Variants in EPHB2 observed in about 807,000 individuals in gnomAD.
EPHB2 encodes the protein ephrin type-B receptor 2.
Under a neutral mutation model 96.4 loss-of-function variants are expected in EPHB2, and 18 were observed. The observed-to-expected ratio is 0.19, with a 90% CI of 0.13 to 0.28. The LOEUF (loss-of-function observed/expected upper bound fraction) is 0.28, where lower values mean the gene tolerates loss of function less well. EPHB2 is among the 10% of genes least tolerant of loss of function. The pLI, the probability that EPHB2 is intolerant of heterozygous loss-of-function variation, is 1.00. For synonymous variants in EPHB2, 506 were observed against 534.1 expected, an observed-to-expected ratio of 0.95 and a Z score of 0.72; for missense variants, 989 against 1,355.4, an observed-to-expected ratio of 0.73 and a Z score of 4.25.
chr1:22,841,018 C>T (rs1310587213), intron 3 of EPHB2, among the ~76,000 whole-genome samples: 1 of 152,160 alleles, frequency 6.6e-6, no homozygotes, highest in Non-Finnish European at 1.5e-5. Flanking sequence ...ACAGAGGAGA[C>T]TAAGTAGCAA....
At chr1:22,776,210 C>G (rs1020639223) in intron 1 of EPHB2, among the ~76,000 whole-genome samples, 1 of 152,222 alleles carries the variant, frequency 6.6e-6, no homozygotes, top group African/African-American at 2.4e-5. Context: ...CTCAGCTCAC[C>G]TCCTGGCCTT....
intron 3 of EPHB2, among the ~76,000 whole-genome samples, chr1:22,803,204 G>T (rs1644870290): frequency 6.6e-6 from 1 of 152,158 alleles, no homozygotes; most frequent in African/African-American, 2.4e-5. Context: ...TTCCATAGCT[G>T]CCTGGGCCGG....
chr1:22,872,705 C>T (rs982972890), intron 5 of EPHB2, among the ~76,000 whole-genome samples: 8 of 152,204 alleles, frequency 5.3e-5, no homozygotes, highest in Admixed American at 4.6e-4. Context: ...ATGGCTTTCT[C>T]GTGGAAAGAC....
chr1:22,830,878 C>T (rs767737437), intron 3 of EPHB2, among the ~76,000 whole-genome samples: 3 of 152,158 alleles, frequency 2.0e-5, no homozygotes, highest in South Asian at 2.1e-4. Context: ...TTTATGCCAA[C>T]GGTCTTAGAT....
chr1:22,712,876 CT>C (rs979478425), intron 1 of EPHB2, among the ~76,000 whole-genome samples: 3 of 152,174 alleles, frequency 2.0e-5, no homozygotes, highest in African/African-American at 4.8e-5. Flanking sequence ...ATAAATATTG[CT>C]ATTTAGGTTG....
chr1:22,880,860 G>C (rs1271193907), intron 5 of EPHB2, among the ~76,000 whole-genome samples: 1 of 152,222 alleles, frequency 6.6e-6, no homozygotes, highest in Non-Finnish European at 1.5e-5. Flanking sequence ...CAGCAGGCCG[G>C]ATGCATTATG....
rs1340359234 is a variant in EPHB2 at position 22,915,825 on chromosome 1, G to A, written c.*2255G>A. 6.6e-6 allele frequency: 1 copy of A among 152,356 alleles called. No individual in the cohort carries two copies. Among genetic ancestry groups the A allele is most frequent in the Non-Finnish European group, 1.5e-5 (1 of 68,122 alleles). 9.4% of individuals were successfully genotyped at this position (152,356 alleles called of 1,614,324 possible). ...GCCATGGATATCGGGTCTGGCTGAG[G>A]AAGGGGAGCCAAGGAGACTACCTCT... On this transcript the variant is annotated 3_prime_UTR_variant, in exon 16 of 16. Transcript: ENST00000374630.
At position 22,785,088 on chromosome 1, in the gene EPHB2, GGTGGGGCAC is replaced by G; in HGVS notation, c.811+16_811+24del. On this transcript the variant is annotated intron_variant, in intron 3 of 15. Coordinates refer to ENST00000374630, the MANE Select transcript of EPHB2 (RefSeq NM_017449.5). ...CACCGTCTGCCGAGGTAAGGGCCAG[GGTGGGGCAC>G]GTGCCCCTGCAAATGCATAGAACTG... is the stretch of plus-strand genomic sequence containing the variant. 6.2e-7 allele frequency: 1 copy of G among 1,613,366 alleles called. No homozygotes were observed.
At chr1:22,865,303 A>G (rs1005882200) in intron 5 of EPHB2, 91 bp downstream of exon 5, 32 of 1,442,048 alleles carry the variant, frequency 2.2e-5, no homozygotes, top group African/African-American at 2.8e-5. Flanking sequence ...CTTCACATCT[A>G]TGGAGTGATT....
chr1:22,856,251 T>C (rs1047807097), intron 3 of EPHB2, among the ~76,000 whole-genome samples: 2 of 152,212 alleles, frequency 1.3e-5, no homozygotes, highest in African/African-American at 2.4e-5. Flanking sequence ...GATGGAGTCC[T>C]GCCTCGGCCT....
intron 3 of EPHB2, among the ~76,000 whole-genome samples, chr1:22,791,467 C>CT (rs1557676787): frequency 7.7e-6 from 1 of 129,090 alleles, no homozygotes; most frequent in Non-Finnish European, 1.6e-5. Flanking sequence ...TTCTTTCTTT[C>CT]TTTCTTTTTT....
rs907310251 is a variant in EPHB2 at position 22,846,297 on chromosome 1, T to C, written c.812-16740T>C. The stretch of plus-strand genomic sequence containing the variant: ...CGGGCATAGTGACGTGCGCCTGTAA[T>C]CCCAGCTACTAGGGAGGCTGAGGCA... On this transcript the variant is annotated intron_variant, in intron 3 of 15. Coordinates refer to ENST00000374630, the MANE Select transcript of EPHB2 (RefSeq NM_017449.5). This position sits in a 1 kb window ranked among gnomAD's most constrained non-coding sequence, Gnocchi z 4.3. Among the ~76,000 whole-genome samples the C allele has an allele frequency of 6.6e-6, 1 of 151,664 alleles. No individual in the cohort carries two copies. Among genetic ancestry groups the C allele is most frequent in the Non-Finnish European group, 1.5e-5 (1 of 67,980 alleles).
intron 6 of EPHB2, among the ~76,000 whole-genome samples, chr1:22,885,021 G>T (rs936217943): frequency 1.3e-5 from 2 of 152,164 alleles, no homozygotes; most frequent in African/African-American, 4.8e-5. Context: ...AGAGCTGTTT[G>T]TTGGATGACT....
At position 22,780,968 on chromosome 1, in the gene EPHB2, CAG is replaced by C. The variant is rs975482261; in HGVS notation, c.62-451_62-450del. 3.9e-5 allele frequency among the ~76,000 whole-genome samples: 6 copies of C among 152,120 alleles called. No homozygotes were observed. In the East Asian group the frequency reaches 1.2e-3, roughly 30 times the overall value. ...CGAGGGCAGTCTGGAGAGTTAGAGT[CAG>C]ATGACTGGGGCAATGGAAGTAGGCG... On this transcript the variant is annotated intron_variant, in intron 1 of 15. Coordinates refer to ENST00000374630, the MANE Select transcript of EPHB2 (RefSeq NM_017449.5).
chr1:22,739,567 C>T (rs1331025342), intron 1 of EPHB2, among the ~76,000 whole-genome samples: 1 of 152,148 alleles, frequency 6.6e-6, no homozygotes, highest in African/African-American at 2.4e-5. Flanking sequence ...TCCATTTCAC[C>T]ACATCACCCC....
intron 1 of EPHB2, among the ~76,000 whole-genome samples, chr1:22,728,445 A>G (rs1643632050): frequency 6.6e-6 from 1 of 152,216 alleles, no homozygotes; most frequent in South Asian, 2.1e-4. Flanking sequence ...TTCCTGGGTG[A>G]TGGAACTGGG....
At chr1:22,741,148 TTCTA>T (rs900417505) in intron 1 of EPHB2, among the ~76,000 whole-genome samples, 4 of 151,946 alleles carry the variant, frequency 2.6e-5, no homozygotes, top group Admixed American at 6.6e-5. Context: ...TGTTCTCTGA[TTCTA>T]TCTAAGTGCT....
chr1:22,784,712 G>C lies in EPHB2; in HGVS notation c.447G>C (p.Gln149His), dbSNP rs372861886. 2.5e-6 allele frequency: 4 copies of C among 1,613,454 alleles called. No individual in the cohort carries two copies. The African/African-American group carries it at 4.0e-5, about 16-fold the overall frequency. ...DTIAADESFSQVDLGGRVMKI... is the reference protein window; with the variant it reads ...DTIAADESFSHVDLGGRVMKI... ...TTGCAGCCGACGAGAGCTTCTCCCA[G>C]GTGGACCTGGGTGGCCGCGTCATGA... Residue 149 changes from glutamine to histidine, a missense_variant, in exon 3 of 16, where the codon CAG (glutamine) becomes CAC (histidine). Gln to His is a conservative substitution (Grantham distance 24). Coordinates refer to ENST00000374630, the MANE Select transcript of EPHB2 (RefSeq NM_017449.5). The surrounding 1 kb of genome is among the most constrained non-coding windows in gnomAD (Gnocchi z 5.1).
chr1:22,893,191 G>A (rs72655559), intron 7 of EPHB2, 145 bp downstream of exon 7: 68 of 1,279,548 alleles, frequency 5.3e-5, no homozygotes, highest in Middle Eastern at 1.9e-4. Flanking sequence ...TCCTAATTTC[G>A]AACCTTTGTG....
Sources: gnomAD v4.1 joint callset for allele counts (sites outside exome capture counted in the v4.1 genomes callset) on GRCh38, gnomAD v4.1.1 for gene constraint, Gnocchi (gnomAD v3.1) non-coding constraint, MANE v1.5 for transcripts, NCBI Gene and HGNC (gene_info 2026-07-23, HGNC 2026-07-21) for gene names.